Variants in FBXO11 observed in about 807,000 individuals in gnomAD.
The protein encoded by FBXO11 is F-box only protein 11.
A neutral mutation model predicts 117.0 loss-of-function variants in FBXO11; 13 were observed. The observed-to-expected ratio is 0.11, with a 90% CI of 0.07 to 0.18. FBXO11 has a LOEUF of 0.18. Among genes scored for constraint, FBXO11 ranks in the 10% least tolerant of loss-of-function variants. The pLI is 1.00. For synonymous variants in FBXO11, 490 were observed against 380.5 expected (o/e 1.29, Z -3.35); for missense variants, 767 against 1,164.4 (o/e 0.66, Z 4.97).
intron 1 of FBXO11, among the ~76,000 whole-genome samples, chr2:47,885,564 G>T (rs1374239615): frequency 6.6e-6 from 1 of 151,634 alleles, no homozygotes; most frequent in African/African-American, 2.4e-5. Context: ...AACATAGGGA[G>T]ACTCAGTCTC....
In FBXO11 at chr2:47,838,823, A is replaced by G. The variant is rs368863449; in HGVS notation, c.587+36T>C. The G allele has an allele frequency of 4.2e-5, 67 of 1,586,614 alleles. No individual in the cohort carries two copies. In the African/African-American group the frequency reaches 5.5e-4, roughly 13 times the overall value. ...TTTAGCATTTTGGGCAACAAATAACATATCTCAAGTTAATAAGGAATAGGT... is the reference window on the plus strand; with the variant it reads ...TTTAGCATTTTGGGCAACAAATAACGTATCTCAAGTTAATAAGGAATAGGT... On this transcript the variant is annotated intron_variant, in intron 4 of 22. Transcript: ENST00000403359.
At position 47,887,936 on chromosome 2, in the gene FBXO11, T is replaced by C. The variant is rs1027383598; in HGVS notation, c.232+17553A>G. Among the ~76,000 whole-genome samples, 40 of 152,124 alleles carry C rather than the reference T, an allele frequency of 2.6e-4. 1 individual carries two copies. Among genetic ancestry groups the C allele is most frequent in the African/African-American group, 8.2e-4 (34 of 41,410 alleles). ...GCAGAGGTGAGGCAGAATGATCTCTTGAGCCTAGCAGTTCGAGGCTGCAGA... is the reference window on the plus strand; with the variant it reads ...GCAGAGGTGAGGCAGAATGATCTCTCGAGCCTAGCAGTTCGAGGCTGCAGA... On this transcript the variant is annotated intron_variant, in intron 1 of 22. Coordinates refer to ENST00000403359, the MANE Select transcript of FBXO11 (RefSeq NM_001190274.2).
chr2:47,892,143 C>A (rs1376350431), intron 1 of FBXO11, among the ~76,000 whole-genome samples: 1 of 152,122 alleles, frequency 6.6e-6, no homozygotes, highest in African/African-American at 2.4e-5. Flanking sequence ...TCTATTTTTA[C>A]TTTTGTTGCC....
intron 1 of FBXO11, among the ~76,000 whole-genome samples, chr2:47,870,486 G>A (rs1001443377): frequency 1.2e-4 from 19 of 152,176 alleles, no homozygotes; most frequent in African/African-American, 4.6e-4. Context: ...CATAAAAAGA[G>A]GAAAGTGCCA....
At chr2:47,874,387 T>C (rs112108315) in intron 1 of FBXO11, among the ~76,000 whole-genome samples, 3 of 152,212 alleles carry the variant, frequency 2.0e-5, no homozygotes, top group African/African-American at 7.2e-5. Context: ...GTCCAAAGGA[T>C]GCCTTAAAAA....
At chr2:47,827,861 T>C (rs1671878984) in intron 11 of FBXO11, among the ~76,000 whole-genome samples, 1 of 151,662 alleles carries the variant, frequency 6.6e-6, no homozygotes, top group African/African-American at 2.4e-5. Context: ...CATGCCCAGC[T>C]AATTATTGTA....
At chr2:47,897,559 T>A (rs1677767380) in intron 1 of FBXO11, among the ~76,000 whole-genome samples, 2 of 152,092 alleles carry the variant, frequency 1.3e-5, no homozygotes, top group Non-Finnish European at 2.9e-5. Flanking sequence ...CAGCCAGGCA[T>A]GGTGGTGTGC....
intron 11 of FBXO11, among the ~76,000 whole-genome samples, chr2:47,826,042 C>A (rs1413615518): frequency 3.9e-5 from 6 of 152,078 alleles, no homozygotes; most frequent in Non-Finnish European, 8.8e-5. Flanking sequence ...AGTTAAGAGA[C>A]TCAAGTACAT....
At chr2:47,819,570 G>C (rs889843437) in intron 14 of FBXO11, among the ~76,000 whole-genome samples, 3 of 152,034 alleles carry the variant, frequency 2.0e-5, no homozygotes, top group African/African-American at 7.2e-5. Flanking sequence ...ATTTTATACT[G>C]TTCTTTAAGT....
At chr2:47,822,137 T>C (rs1671436614) in intron 13 of FBXO11, 81 bp downstream of exon 13, 2 of 967,048 alleles carry the variant, frequency 2.1e-6, no homozygotes, top group Admixed American at 4.8e-5. Flanking sequence ...ACTTGGGTAG[T>C]TTCAAAATGT....
In FBXO11 at chr2:47,807,000, ATCTACCT is replaced by A. The variant is rs1261825204; in HGVS notation, c.*1111_*1117del. 4.3e-6 allele frequency: 3 copies of A among 705,356 alleles called. No individual in the cohort carries two copies. Among genetic ancestry groups the A allele is most frequent in the Non-Finnish European group, 7.5e-6 (3 of 402,224 alleles). The allele number at this position is 705,356 out of a possible 1,614,324, so 43.7% of individuals were successfully genotyped here. ...AGGAAATTAAACCCTTTTAATTCTT[ATCTACCT>A]TCTACATAATGGTTATTGAATACTC... On this transcript the variant is annotated 3_prime_UTR_variant, in exon 23 of 23. Transcript: ENST00000403359.
intron 11 of FBXO11, among the ~76,000 whole-genome samples, chr2:47,826,214 T>C (rs966773317): frequency 1.3e-5 from 2 of 152,010 alleles, no homozygotes; most frequent in African/African-American, 2.4e-5. Flanking sequence ...GCCGCCACCA[T>C]GCCCAGCTAA....
At chr2:47,860,872 G>A (rs1339492028) in intron 1 of FBXO11, among the ~76,000 whole-genome samples, 3 of 130,546 alleles carry the variant, frequency 2.3e-5, no homozygotes, top group African/African-American at 8.9e-5. Flanking sequence ...TTGAGACGGA[G>A]TTTCACTCTC....
chr2:47,892,313 C>T (rs566456727), intron 1 of FBXO11, among the ~76,000 whole-genome samples: 1 of 152,312 alleles, frequency 6.6e-6, no homozygotes, highest in South Asian at 2.1e-4. Flanking sequence ...GTTAACATTT[C>T]ACCAAAAATT....
In FBXO11 at chr2:47,839,670, G is replaced by A; in HGVS notation, c.332C>T (p.Thr111Ile). The A allele has an allele frequency of 1.9e-6, 3 of 1,614,096 alleles. No homozygotes were observed. The highest frequency in any genetic ancestry group is 2.5e-6 in the Non-Finnish European group (3 of 1,180,018). ...LRRKTLLPKR[T>I]ACPTKNSMEG... ...CATACTGTTCTTTGTGGGACACGCT[G>A]TTCTTTTCGGCAAAAGAGTTTTTCT... The change falls in exon 2 of 23, where the codon ACA becomes ATA. Residue 111 changes from threonine to isoleucine, a missense_variant. Around this residue, in one of 10 missense-constraint regions of FBXO11, gnomAD observed 355 missense variants for 299.8 expected, o/e 1.18. Transcript: ENST00000403359.
At chr2:47,809,308 T>C (rs1670452714) in intron 20 of FBXO11, 42 bp from the exon 21 acceptor site, 2 of 1,307,944 alleles carry the variant, frequency 1.5e-6, no homozygotes, top group African/African-American at 1.5e-5. Context: ...AGAGGAATGT[T>C]AATATTTTAA....
intron 16 of FBXO11, chr2:47,814,229 G>A (rs544125406): frequency 4.9e-6 from 1 of 203,734 alleles, no homozygotes; most frequent in African/African-American, 2.3e-5. Flanking sequence ...TTGCAATAAA[G>A]AGAGTCGCAT....
chr2:47,863,055 C>CAAAAAAAA (rs763187950), intron 1 of FBXO11, among the ~76,000 whole-genome samples: 12 of 73,866 alleles, frequency 1.6e-4, no homozygotes, highest in African/African-American at 4.5e-4. Context: ...AACTGTGTCT[C>CAAAAAAAA]AAAAAAAAAA....
chr2:47,874,961 T>C (rs967693275), intron 1 of FBXO11, among the ~76,000 whole-genome samples: 3 of 151,032 alleles, frequency 2.0e-5, no homozygotes, highest in Non-Finnish European at 4.4e-5. Context: ...AAAAATACCA[T>C]ATTTTCTTTG....
Sources: gnomAD v4.1 joint callset for allele counts (sites outside exome capture counted in the v4.1 genomes callset) on GRCh38, gnomAD v4.1.1 for gene constraint, gnomAD v4.1.1 regional missense constraint, MANE v1.5 for transcripts, NCBI Gene and HGNC (gene_info 2026-07-23, HGNC 2026-07-21) for gene names.